Variants in TCF4 observed in about 807,000 individuals in gnomAD.
TCF4 encodes the protein transcription factor 4.
Under a neutral mutation model 82.1 loss-of-function variants are expected in TCF4, and 3 were observed. That is an observed-to-expected ratio of 0.04 (90% CI 0.02 to 0.09). The LOEUF (loss-of-function observed/expected upper bound fraction) is 0.09, where lower values mean the gene tolerates loss of function less well. Among genes scored for constraint, TCF4 ranks in the 10% least tolerant of loss-of-function variants. The pLI is 1.00. For synonymous variants in TCF4, 276 were observed against 309.6 expected (o/e 0.89, Z 1.14); for missense variants, 518 against 852.7 (o/e 0.61, Z 4.89).
At chr18:55,347,460 C>T (rs992847481) in intron 8 of TCF4, among the ~76,000 whole-genome samples, 14 of 152,128 alleles carry the variant, frequency 9.2e-5, no homozygotes, top group African/African-American at 2.7e-4. Context: ...ATCCCACCAT[C>T]GTGTCATACT....
chr18:55,627,714 G>A (rs1338132516), intron 2 of TCF4, among the ~76,000 whole-genome samples: 4 of 151,694 alleles, frequency 2.6e-5, no homozygotes, highest in Non-Finnish European at 4.4e-5. Context: ...GCAGTGAGCC[G>A]AGATCATGCC....
chr18:55,453,930 G>T (rs973540250), intron 5 of TCF4, among the ~76,000 whole-genome samples: 5 of 151,916 alleles, frequency 3.3e-5, no homozygotes, highest in Admixed American at 6.6e-5. Context: ...CACAATCACA[G>T]CTCACTGTAG....
chr18:55,333,720 A>G (rs2078049094), intron 8 of TCF4, among the ~76,000 whole-genome samples: 1 of 152,172 alleles, frequency 6.6e-6, no homozygotes, highest in Non-Finnish European at 1.5e-5. Context: ...TGTAATCTCA[A>G]TTGCGATTAT....
Position 55,586,135 on chromosome 18 carries a change from AAGGAGG to A in TCF4, c.73-789_73-784del, listed in dbSNP as rs1200526242. On this transcript the variant is annotated intron_variant, in intron 2 of 19. Coordinates refer to ENST00000354452, the MANE Select transcript of TCF4 (RefSeq NM_001083962.2). The stretch of plus-strand genomic sequence containing the variant: ...TCTAGAAGAGGAGGAGGAGGAGGAG[AAGGAGG>A]AGGAGGAGGAGGAGCAGCAGCAGCA... The A allele has an allele frequency of 4.0e-4, 521 of 1,297,832 alleles. 52 individuals carry two copies. Among genetic ancestry groups the A allele is most frequent in the East Asian group, 5.5e-4 (16 of 29,250 alleles). The allele number at this position is 1,297,832 out of a possible 1,614,324, so 80.4% of individuals were successfully genotyped here.
intron 3 of TCF4, among the ~76,000 whole-genome samples, chr18:55,501,537 T>C (rs1025904862): frequency 4.6e-5 from 7 of 152,162 alleles, no homozygotes; most frequent in African/African-American, 1.2e-4. Flanking sequence ...AGGACTTTTA[T>C]AAATCACGTT....
chr18:55,331,063 C>A (rs974636898), intron 8 of TCF4, among the ~76,000 whole-genome samples: 6 of 152,070 alleles, frequency 3.9e-5, no homozygotes, highest in African/African-American at 1.4e-4. Flanking sequence ...TAAAAACAAT[C>A]AAAAGTTGTT....
chr18:55,245,585 G>T (rs898630162), intron 15 of TCF4, among the ~76,000 whole-genome samples: 2 of 152,216 alleles, frequency 1.3e-5, no homozygotes, highest in African/African-American at 4.8e-5. Context: ...CTGGCAAGCT[G>T]CAAGGACTGG....
At chr18:55,456,258 T>C (rs968121781) in intron 5 of TCF4, among the ~76,000 whole-genome samples, 1 of 152,202 alleles carries the variant, frequency 6.6e-6, no homozygotes, top group African/African-American at 2.4e-5. Context: ...CAGTTCTGCC[T>C]GAAACCTCAA....
intron 3 of TCF4, among the ~76,000 whole-genome samples, chr18:55,543,390 T>A (rs959360458): frequency 5.3e-5 from 8 of 152,106 alleles, no homozygotes; most frequent in African/African-American, 1.9e-4. Context: ...TCAACAAAGA[T>A]AAGGCTTCTC....
chr18:55,437,222 T>C (rs2095347974), intron 5 of TCF4, among the ~76,000 whole-genome samples: 1 of 152,192 alleles, frequency 6.6e-6, no homozygotes, highest in Non-Finnish European at 1.5e-5. Context: ...CTGCTAACCC[T>C]TTTTCCTTTA....
chr18:55,576,291 T>C (rs1162794903), intron 3 of TCF4, among the ~76,000 whole-genome samples: 1 of 152,194 alleles, frequency 6.6e-6, no homozygotes, highest in Non-Finnish European at 1.5e-5. Flanking sequence ...TGCTGAGTGA[T>C]ATTATAGGAA....
intron 3 of TCF4, among the ~76,000 whole-genome samples, chr18:55,554,315 G>T (rs182413980): frequency 6.6e-6 from 1 of 151,800 alleles, no homozygotes; most frequent in Admixed American, 6.6e-5. Flanking sequence ...TGAGAAAGCA[G>T]AAAAAATTTG....
chr18:55,430,842 T>C (rs1229400217), intron 5 of TCF4, among the ~76,000 whole-genome samples: 1 of 152,188 alleles, frequency 6.6e-6, no homozygotes, highest in Non-Finnish European at 1.5e-5. Flanking sequence ...TATATCATAC[T>C]GAGGTATTGA....
At chr18:55,403,365 C>T in intron 6 of TCF4, 89 bp downstream of exon 6, 2 of 1,453,834 alleles carry the variant, frequency 1.4e-6, no homozygotes, top group South Asian at 2.3e-5. Flanking sequence ...TTTGGTGTCA[C>T]AGTTTAAAAT....
At chr18:55,273,584 T>G (rs1269425276) in intron 10 of TCF4, among the ~76,000 whole-genome samples, 2 of 152,118 alleles carry the variant, frequency 1.3e-5, no homozygotes, top group Non-Finnish European at 2.9e-5. Context: ...ATTCAATAGT[T>G]TCACTAACAG....
chr18:55,624,079 G>A (rs1024306715), intron 2 of TCF4, among the ~76,000 whole-genome samples: 83 of 152,166 alleles, frequency 5.5e-4, no homozygotes, highest in African/African-American at 2.0e-3. Context: ...GCTTTCATCA[G>A]GTAACTTAGA....
intron 3 of TCF4, among the ~76,000 whole-genome samples, chr18:55,557,744 A>G (rs2147249508): frequency 6.6e-6 from 1 of 152,274 alleles, no homozygotes; most frequent in Non-Finnish European, 1.5e-5. Context: ...CCCCACCCCT[A>G]CTCAGGTAAC....
chr18:55,458,570 T>C (rs1049630806), intron 5 of TCF4, among the ~76,000 whole-genome samples: 1 of 152,250 alleles, frequency 6.6e-6, no homozygotes. Context: ...TTTGTAAAGC[T>C]GTAACATAAC....
intron 3 of TCF4, among the ~76,000 whole-genome samples, chr18:55,523,796 T>A (rs2096953818): frequency 6.6e-6 from 1 of 152,116 alleles, no homozygotes; most frequent in Non-Finnish European, 1.5e-5. Context: ...ATACATAGTA[T>A]CTCCTTTACA....
Sources: gnomAD v4.1 joint callset for allele counts (sites outside exome capture counted in the v4.1 genomes callset) on GRCh38, gnomAD v4.1.1 for gene constraint, MANE v1.5 for transcripts, NCBI Gene and HGNC (gene_info 2026-07-23, HGNC 2026-07-21) for gene names.